The following SMARCC1 variants were observed in gnomAD, a reference collection of about 807,000 sequenced individuals.
The protein encoded by SMARCC1 is SWI/SNF related BAF chromatin remodeling complex subunit C1.
A neutral mutation model predicts 147.4 loss-of-function variants in SMARCC1; 43 were observed. The ratio of observed to expected loss-of-function variants is 0.29; its 90% confidence interval spans 0.23 to 0.38. SMARCC1 has a LOEUF of 0.38. Among genes scored for constraint, SMARCC1 ranks in the 10% least tolerant of loss-of-function variants. The pLI, the probability that SMARCC1 is intolerant of heterozygous loss-of-function variation, is 1.00. For synonymous variants in SMARCC1, 495 were observed against 484.4 expected, an observed-to-expected ratio of 1.02 and a Z score of -0.29; for missense variants, 1,119 against 1,381.1, an observed-to-expected ratio of 0.81 and a Z score of 3.01.
intron 2 of SMARCC1, among the ~76,000 whole-genome samples, chr3:47,752,242 G>A (rs1287853327): frequency 6.6e-6 from 1 of 152,146 alleles, no homozygotes; most frequent in African/African-American, 2.4e-5. Flanking sequence ...AAGCTCAGTA[G>A]CACAATCACC....
At chr3:47,619,165 C>G (rs2032691194) in intron 25 of SMARCC1, among the ~76,000 whole-genome samples, 1 of 152,206 alleles carries the variant, frequency 6.6e-6, no homozygotes, top group Admixed American at 6.5e-5. Context: ...CTTTCTGTTC[C>G]CATAGCAGCA....
intron 11 of SMARCC1, among the ~76,000 whole-genome samples, chr3:47,695,494 C>T (rs545171073): frequency 2.0e-5 from 3 of 151,970 alleles, no homozygotes; most frequent in Non-Finnish European, 2.9e-5. Flanking sequence ...CATCCGGGCG[C>T]GGTGGCTCAT....
intron 21 of SMARCC1, among the ~76,000 whole-genome samples, chr3:47,649,559 C>T (rs761257149): frequency 1.3e-5 from 2 of 152,080 alleles, no homozygotes; most frequent in African/African-American, 4.8e-5. Flanking sequence ...TTAAGGAGCT[C>T]GGTAGACAAT....
At chr3:47,640,104 G>A (rs1265076552) in intron 21 of SMARCC1, among the ~76,000 whole-genome samples, 1 of 152,054 alleles carries the variant, frequency 6.6e-6, no homozygotes, top group African/African-American at 2.4e-5. Flanking sequence ...ACTTAATTGT[G>A]GGAAGTAAAA....
intron 24 of SMARCC1, among the ~76,000 whole-genome samples, chr3:47,629,779 C>T (rs550000294): frequency 3.3e-5 from 5 of 151,990 alleles, no homozygotes; most frequent in Non-Finnish European, 5.9e-5. Context: ...CTAGTCAATG[C>T]GACATGGAGC....
At position 47,662,555 on chromosome 3, in the gene SMARCC1, G is replaced by A. The variant is rs767169855; in HGVS notation, c.1937C>T (p.Ser646Leu). The A allele has an allele frequency of 5.6e-6, 9 of 1,613,762 alleles. No homozygotes were observed. The highest frequency in any genetic ancestry group is 2.2e-5 in the East Asian group (1 of 44,894). The change falls in exon 20 of 28, where the codon TCG becomes TTG. Residue 646 changes from serine to leucine, a missense_variant. Coordinates refer to ENST00000254480, the MANE Select transcript of SMARCC1 (RefSeq NM_003074.4). ...EMYKDDWNKVSEHVGSRTQDE... is the reference protein window; with the variant it reads ...EMYKDDWNKVLEHVGSRTQDE... ...CTGAGTACGACTTCCAACATGTTCC[G>A]ACACTTTGTTCCAATCATCCTTGTA...
intron 6 of SMARCC1, among the ~76,000 whole-genome samples, chr3:47,726,061 C>CAAAAAAAAAAAAAA (rs546659321): frequency 0.075 from 3,788 of 50,510 alleles, 881 homozygotes; most frequent in Middle Eastern, 0.17. Flanking sequence ...GACTCTGTCT[C>CAAAAAAAAAAAAAA]AAAAAAAAAA....
At chr3:47,758,766 G>A (rs914512408) in intron 2 of SMARCC1, among the ~76,000 whole-genome samples, 4 of 152,020 alleles carry the variant, frequency 2.6e-5, no homozygotes, top group African/African-American at 9.7e-5. Context: ...CGGGCGCGGT[G>A]GCTCAGGCCT....
chr3:47,620,766 A>C (rs1178180081), intron 25 of SMARCC1, among the ~76,000 whole-genome samples: 20 of 152,184 alleles, frequency 1.3e-4, no homozygotes, highest in Admixed American at 1.3e-3. Flanking sequence ...CCAAGGATGG[A>C]TCTGAGGGAG....
chr3:47,609,223 G>A (rs1204844332), intron 26 of SMARCC1, among the ~76,000 whole-genome samples: 3 of 152,208 alleles, frequency 2.0e-5, no homozygotes, highest in South Asian at 2.1e-4. Flanking sequence ...CCGGCCAGGC[G>A]CAGTGGCTCA....
intron 22 of SMARCC1, among the ~76,000 whole-genome samples, chr3:47,636,784 A>ATG (rs1263321678): frequency 1.0e-4 from 7 of 67,642 alleles, no homozygotes; most frequent in East Asian, 4.4e-4. Flanking sequence ...AACAAAATAT[A>ATG]TATATGTGTG....
intron 24 of SMARCC1, among the ~76,000 whole-genome samples, chr3:47,632,967 T>TAAAA (rs35876011): frequency 6.8e-6 from 1 of 146,192 alleles, no homozygotes; most frequent in Non-Finnish European, 1.5e-5. Context: ...TATATGAAGT[T>TAAAA]AAAAAAAAAA....
intron 3 of SMARCC1, 42 bp from the exon 4 acceptor site, chr3:47,738,152 T>C (rs1559658962): frequency 3.7e-6 from 5 of 1,349,926 alleles, no homozygotes; most frequent in Non-Finnish European, 4.1e-6. Context: ...TCTCCCAGCT[T>C]AAACACAAAT....
chr3:47,625,541 T>C (rs2032796782), intron 24 of SMARCC1, among the ~76,000 whole-genome samples: 1 of 152,142 alleles, frequency 6.6e-6, no homozygotes, highest in African/African-American at 2.4e-5. Flanking sequence ...AGCCTACTTC[T>C]ATATATATTC....
chr3:47,637,426 C>T (rs1430399778), intron 22 of SMARCC1, among the ~76,000 whole-genome samples: 7 of 152,044 alleles, frequency 4.6e-5, no homozygotes, highest in Non-Finnish European at 7.4e-5. Flanking sequence ...CACAAAGGCC[C>T]AGAGGCTGGG....
In SMARCC1 at chr3:47,604,014, T is replaced by C. The variant is rs745542361; in HGVS notation, c.3043+6052A>G. On this transcript the variant is annotated intron_variant, in intron 26 of 27. Coordinates refer to ENST00000254480, the MANE Select transcript of SMARCC1 (RefSeq NM_003074.4). ...CACGCAGTAGTCTCCAAACAAAAAT[T>C]ATAAGCATTTGATGAATCAAAGGTA... 8.3e-5 allele frequency: 38 copies of C among 456,646 alleles called. No homozygotes were observed. The East Asian group carries it at 1.6e-3, about 19-fold the overall frequency. The allele number at this position is 456,646 out of a possible 1,614,324, so 28.3% of individuals were successfully genotyped here.
chr3:47,766,702 A>G (rs775157922), intron 2 of SMARCC1, among the ~76,000 whole-genome samples: 3 of 151,846 alleles, frequency 2.0e-5, no homozygotes, highest in Non-Finnish European at 4.4e-5. Context: ...GGTAAAATAT[A>G]TTTTTCTTTT....
At position 47,758,385 on chromosome 3, in the gene SMARCC1, A is replaced by G. The variant is rs542701802; in HGVS notation, c.316-12392T>C. 9.2e-5 allele frequency among the ~76,000 whole-genome samples: 14 copies of G among 151,952 alleles called. No individual in the cohort carries two copies. In the South Asian group the frequency reaches 2.7e-3, roughly 29 times the overall value. On this transcript the variant is annotated intron_variant, in intron 2 of 27. Transcript: ENST00000254480. Reference sequence around the variant, plus strand: ...ATCTTCCCACTTCAGCCTCGCAAAAAAAAAAAAACAAAAACTAGCCACACG... The same window carrying G: ...ATCTTCCCACTTCAGCCTCGCAAAAGAAAAAAAACAAAAACTAGCCACACG...
intron 20 of SMARCC1, among the ~76,000 whole-genome samples, chr3:47,661,817 TC>T (rs2033351363): frequency 6.6e-6 from 1 of 152,096 alleles, no homozygotes; most frequent in Non-Finnish European, 1.5e-5. Flanking sequence ...AAGAAAGAGT[TC>T]TATGATGTGA....
Sources: gnomAD v4.1 joint callset for allele counts (sites outside exome capture counted in the v4.1 genomes callset) on GRCh38, gnomAD v4.1.1 for gene constraint, MANE v1.5 for transcripts, NCBI Gene and HGNC (gene_info 2026-07-23, HGNC 2026-07-21) for gene names.